NFKBIZ: variants seen among roughly 807,000 people sequenced by gnomAD.
NFKBIZ encodes NF-kappa-B inhibitor zeta.
A neutral mutation model predicts 76.8 loss-of-function variants in NFKBIZ; 19 were observed. That is an observed-to-expected ratio of 0.25 (90% CI 0.17 to 0.36). The LOEUF is 0.36. Among genes scored for constraint, NFKBIZ ranks in the 10% least tolerant of loss-of-function variants. NFKBIZ has a pLI of 1.00. For synonymous variants in NFKBIZ, 368 were observed against 354.8 expected (o/e 1.04, Z -0.42); for missense variants, 829 against 910.9 (o/e 0.91, Z 1.16).
At chr3:101,837,704 A>G (rs567939646) in intron 2 of NFKBIZ, among the ~76,000 whole-genome samples, 1 of 152,092 alleles carries the variant, frequency 6.6e-6, no homozygotes, top group Non-Finnish European at 1.5e-5. Context: ...TTTACTGCCG[A>G]ATTAACTTTT....
intron 9 of NFKBIZ, 36 bp downstream of exon 9, chr3:101,855,938 G>T: frequency 6.4e-7 from 1 of 1,552,912 alleles, no homozygotes; most frequent in South Asian, 1.2e-5. Context: ...TGGGGTAGGG[G>T]AGAAACTGGT....
chr3:101,845,125 G>A (rs1229214094), upstream of NFKBIZ, among the ~76,000 whole-genome samples: 1 of 151,802 alleles, frequency 6.6e-6, no homozygotes, highest in Middle Eastern at 3.4e-3. Context: ...AAAATTAGCC[G>A]GGCGTGGTGG....
At chr3:101,844,444 A>C (rs1942824675) in intron 2 of NFKBIZ, among the ~76,000 whole-genome samples, 1 of 152,226 alleles carries the variant, frequency 6.6e-6, no homozygotes, top group African/African-American at 2.4e-5. Flanking sequence ...GATTTGTTTT[A>C]AGGCACCATT....
rs1943107467 is a variant in NFKBIZ at position 101,859,755 on chromosome 3, A to G, written c.*384A>G. The G allele has an allele frequency of 5.8e-6, 1 of 172,592 alleles. No individual in the cohort carries two copies. Among genetic ancestry groups the G allele is most frequent in the South Asian group, 1.3e-4 (1 of 7,504 alleles). 10.7% of individuals were successfully genotyped at this position (172,592 alleles called of 1,614,324 possible). The stretch of plus-strand genomic sequence containing the variant: ...ATGTTTCTTTAAGAAAAAGCATGTG[A>G]AAGGAAAAAGGTAAATACAGCATTG... On this transcript the variant is annotated 3_prime_UTR_variant, in exon 12 of 12. Coordinates refer to ENST00000326172, the MANE Select transcript of NFKBIZ (RefSeq NM_031419.4).
rs1453198198 is a variant in NFKBIZ at position 101,854,365 on chromosome 3, T to C, written c.1338-213T>C. Among the ~76,000 whole-genome samples, 3 of 152,226 alleles carry C rather than the reference T, an allele frequency of 2.0e-5. No individual in the cohort carries two copies. The South Asian group carries it at 6.2e-4, about 32-fold the overall frequency. ...TTGATCAGTATGGTGCTTGACATTC[T>C]TCTTTTTCTTATTTCTGATAGCCTA... On this transcript the variant is annotated intron_variant, in intron 5 of 11. Transcript: ENST00000326172.
chr3:101,857,277 T>C lies in NFKBIZ; in HGVS notation c.1936-15T>C. ...CCCCTTCCTGATGTCTGATAATTCA[T>C]TTCTTTGTCTTCAGGCTTACAATGG... On this transcript the variant is annotated splice_polypyrimidine_tract_variant and intron_variant, in intron 10 of 11. Coordinates refer to ENST00000326172, the MANE Select transcript of NFKBIZ (RefSeq NM_031419.4). 1 of 1,614,030 alleles carries C rather than the reference T, an allele frequency of 6.2e-7. No homozygotes were observed. Among genetic ancestry groups the C allele is most frequent in the Non-Finnish European group, 8.5e-7 (1 of 1,179,898 alleles).
intron 2 of NFKBIZ, among the ~76,000 whole-genome samples, chr3:101,834,082 G>T (rs1273335435): frequency 6.6e-6 from 1 of 152,166 alleles, no homozygotes; most frequent in Non-Finnish European, 1.5e-5. Context: ...GATAAGTAGG[G>T]CACAGAGACT....
rs140655787 is a variant in NFKBIZ, at chr3:101,839,570, G to A, written c.-12+9882G>A. ...CTTCCAAATTTAGCCTTTTCTTTGGGGGAAAAGAGGTTTAAGTCAAAATAT... is the reference window on the plus strand; with the variant it reads ...CTTCCAAATTTAGCCTTTTCTTTGGAGGAAAAGAGGTTTAAGTCAAAATAT... On this transcript the variant is annotated intron_variant, in intron 2 of 12. Transcript: ENST00000394054. Among the ~76,000 whole-genome samples the A allele has an allele frequency of 8.4e-3, 1,278 of 152,196 alleles. 12 individuals carry two copies. Among genetic ancestry groups the A allele is most frequent in the African/African-American group, 0.029 (1,202 of 41,532 alleles).
At chr3:101,838,406 C>G (rs758447254) in intron 2 of NFKBIZ, among the ~76,000 whole-genome samples, 1 of 152,196 alleles carries the variant, frequency 6.6e-6, no homozygotes, top group Non-Finnish European at 1.5e-5. Context: ...AAAGCCATGA[C>G]ACTGCAGTGC....
intron 2 of NFKBIZ, among the ~76,000 whole-genome samples, chr3:101,830,389 G>A (rs535299375): frequency 3.3e-5 from 5 of 152,254 alleles, no homozygotes; most frequent in Middle Eastern, 3.4e-3. Flanking sequence ...TTACCTGGGT[G>A]TATTGCGTGA....
intron 2 of NFKBIZ, chr3:101,829,815 T>C (rs1055330350): frequency 1.3e-5 from 2 of 152,208 alleles, no homozygotes; most frequent in Non-Finnish European, 2.9e-5. Flanking sequence ...TTGAAGTTGC[T>C]ACAAAATTAC....
chr3:101,849,371 C>T (rs1942906989), upstream of NFKBIZ: 1 of 339,228 alleles, frequency 2.9e-6, no homozygotes, highest in Non-Finnish European at 5.3e-6. Context: ...ATTGCCTCAT[C>T]CTGTACATTT....
chr3:101,839,080 A>G (rs1385130013), intron 2 of NFKBIZ, among the ~76,000 whole-genome samples: 1 of 152,204 alleles, frequency 6.6e-6, no homozygotes, highest in African/African-American at 2.4e-5. Flanking sequence ...AATATATGTT[A>G]CATATGATAT....
Position 101,859,397 on chromosome 3 carries a change from C to G in NFKBIZ, c.*26C>G. 1 of 1,603,710 alleles carries G rather than the reference C, an allele frequency of 6.2e-7. No homozygotes were observed. The highest frequency in any genetic ancestry group is 8.5e-7 in the Non-Finnish European group (1 of 1,170,682). On this transcript the variant is annotated 3_prime_UTR_variant, in exon 12 of 12. Transcript: ENST00000326172. ...CTCCATTAGCTTGGAGCCTGGCTAG[C>G]AACACTCACTGTCAGTTAGGCAGTC...
intron 2 of NFKBIZ, among the ~76,000 whole-genome samples, chr3:101,842,905 A>T (rs139680395): frequency 6.6e-6 from 1 of 151,816 alleles, no homozygotes; most frequent in Non-Finnish European, 1.5e-5. Context: ...GGTGTTCAAC[A>T]ATTATGAGTC....
At chr3:101,845,294 CTTT>C (rs759102672), upstream of NFKBIZ, among the ~76,000 whole-genome samples, 23 of 131,106 alleles carry the variant, frequency 1.8e-4, no homozygotes, top group Non-Finnish European at 1.8e-4. Context: ...AATCCAATTC[CTTT>C]TTTTTTTTTT....
chr3:101,853,667 G>T lies in NFKBIZ; in HGVS notation c.1141G>T (p.Ala381Ser). 1 of 1,614,222 alleles carries T rather than the reference G, an allele frequency of 6.2e-7. No homozygotes were observed. Residue 381 changes from alanine (A) to serine (S), a missense_variant, in exon 5 of 12, where the codon GCC becomes TCC. Physicochemically the swap from Ala to Ser is moderately conservative, Grantham distance 99. This residue lies in a region of NFKBIZ where 371 missense variants were observed against 332.3 expected (regional missense o/e 1.12). Coordinates refer to ENST00000326172, the MANE Select transcript of NFKBIZ (RefSeq NM_031419.4). ...CAGCTTCAGCATGATGCCCAGCAGC[G>T]CCTGTGAGGCCATGGTGGGGCACGA... ...LHSFSMMPSS[A>S]CEAMVGHEMA...
At chr3:101,842,033 A>T (rs1239402013) in intron 2 of NFKBIZ, among the ~76,000 whole-genome samples, 1 of 152,212 alleles carries the variant, frequency 6.6e-6, no homozygotes, top group Non-Finnish European at 1.5e-5. Flanking sequence ...AGTGGAATAG[A>T]GGAGACAGAC....
At chr3:101,838,343 A>G (rs1412774635) in intron 2 of NFKBIZ, among the ~76,000 whole-genome samples, 1 of 152,202 alleles carries the variant, frequency 6.6e-6, no homozygotes. Context: ...AGATTAAGAG[A>G]TTTGCCCAAG....
Sources: gnomAD v4.1 joint callset for allele counts (sites outside exome capture counted in the v4.1 genomes callset) on GRCh38, gnomAD v4.1.1 for gene constraint, gnomAD v4.1.1 regional missense constraint, MANE v1.5 for transcripts, NCBI Gene and HGNC (gene_info 2026-07-23, HGNC 2026-07-21) for gene names.